CCDC60: variants seen among roughly 807,000 people sequenced by gnomAD.
CCDC60 encodes the protein coiled-coil domain-containing protein 60.
Under a neutral mutation model 63.5 loss-of-function variants are expected in CCDC60, and 54 were observed. The ratio of observed to expected loss-of-function variants is 0.85; its 90% CI spans 0.68 to 1.07. CCDC60 has a LOEUF of 1.07. Among genes scored for constraint, CCDC60 ranks in the 50% least tolerant of loss-of-function variants. The pLI is 0.00. For missense variants in CCDC60, 651 were observed against 684.3 expected, an observed-to-expected ratio of 0.95 and a Z score of 0.54; for synonymous variants, 206 against 238.8, an observed-to-expected ratio of 0.86 and a Z score of 1.27.
At chr12:119,400,323 A>G (rs1433166765) in intron 1 of CCDC60, among the ~76,000 whole-genome samples, 4 of 152,236 alleles carry the variant, frequency 2.6e-5, no homozygotes, top group Non-Finnish European at 5.9e-5. Context: ...TGCCGGGATT[A>G]CAGGCGTGAG....
chr12:119,415,680 G>C (rs1379067473), intron 1 of CCDC60, among the ~76,000 whole-genome samples: 1 of 152,216 alleles, frequency 6.6e-6, no homozygotes, highest in Non-Finnish European at 1.5e-5. Context: ...GGAGGGAAAA[G>C]ACTGGAGAGC....
chr12:119,428,684 T>G lies in CCDC60; in HGVS notation c.92T>G (p.Val31Gly), dbSNP rs774985338. 6.3e-7 allele frequency: 1 copy of G among 1,591,562 alleles called. No homozygotes were observed. Among genetic ancestry groups the G allele is most frequent in the Non-Finnish European group, 8.6e-7 (1 of 1,164,864 alleles). Residue 31 changes from valine (V) to glycine (G), a missense_variant and splice_region_variant, in exon 2 of 14, where the codon GTC becomes GGC. Val to Gly is a moderately radical substitution (Grantham distance 109, BLOSUM62 -3). Transcript: ENST00000327554. Reference protein sequence around the residue: ...PFYASENLRQVPDKPMKSIKY... With the variant: ...PFYASENLRQGPDKPMKSIKY... ...TTTAACCCCTTGTCTTCTCATCAGGTCCCAGACAAGCCAATGAAGAGCATC... is the reference window on the plus strand; with the variant it reads ...TTTAACCCCTTGTCTTCTCATCAGGGCCCAGACAAGCCAATGAAGAGCATC...
chr12:119,531,123 A>C, intron 13 of CCDC60, 60 bp downstream of exon 13: 85 of 1,439,874 alleles, frequency 5.9e-5, no homozygotes, highest in Non-Finnish European at 7.3e-5. Context: ...ATCACCTCTC[A>C]ACATTCAGGC....
chr12:119,528,546 A>G, intron 11 of CCDC60, 69 bp from the exon 12 acceptor site: 7 of 1,517,196 alleles, frequency 4.6e-6, no homozygotes, highest in Non-Finnish European at 5.4e-6. Context: ...CAGATCTCAA[A>G]GGGCAGCTAA....
chr12:119,517,415 G>A lies in CCDC60; in HGVS notation c.968+708G>A, dbSNP rs74324941. Among the ~76,000 whole-genome samples, 277 of 152,286 alleles carry A rather than the reference G, an allele frequency of 1.8e-3. 1 individual carries two copies. The Middle Eastern group carries it at 0.024, about 13-fold the overall frequency. On this transcript the variant is annotated intron_variant, in intron 8 of 13. Transcript: ENST00000327554. ...ATATTTATGAACATGTATGGGCTGT[G>A]TACTCATTATTATTGTGAGAAGTGT...
Position 119,505,241 on chromosome 12 carries a change from G to A in CCDC60, c.821G>A (p.Ser274Asn), listed in dbSNP as rs1951965238. Residue 274 changes from serine to asparagine, a missense_variant, in exon 7 of 14, where the codon AGC becomes AAC. Coordinates refer to ENST00000327554, the MANE Select transcript of CCDC60 (RefSeq NM_178499.5). ...AGTGTGAACACCCAGGTGACCAGCA[G>A]CAAGGACATTGAGGACAATGAGTCA... Reference protein sequence around the residue: ...PPSVNTQVTSSKDIEDNESSS... With the variant: ...PPSVNTQVTSNKDIEDNESSS... The A allele has an allele frequency of 1.2e-6, 2 of 1,613,644 alleles. No individual in the cohort carries two copies. The highest frequency in any genetic ancestry group is 1.7e-6 in the Non-Finnish European group (2 of 1,180,034).
At chr12:119,462,594 A>G (rs777279982) in intron 2 of CCDC60, among the ~76,000 whole-genome samples, 4 of 152,176 alleles carry the variant, frequency 2.6e-5, no homozygotes, top group South Asian at 2.1e-4. Flanking sequence ...AATTACTACA[A>G]AAAGGTAAAT....
At chr12:119,428,886 CT>C in intron 2 of CCDC60, 124 bp downstream of exon 2, 1 of 625,636 alleles carries the variant, frequency 1.6e-6, no homozygotes, top group Non-Finnish European at 2.8e-6. Context: ...AAGCAGAAGA[CT>C]TACAGGAGGG....
intron 12 of CCDC60, among the ~76,000 whole-genome samples, chr12:119,529,248 T>C (rs1952772019): frequency 6.6e-6 from 1 of 152,176 alleles, no homozygotes; most frequent in Admixed American, 6.5e-5. Flanking sequence ...TGGCAGTCAC[T>C]ACATAAGCAA....
chr12:119,413,969 C>A (rs898080433), intron 1 of CCDC60, among the ~76,000 whole-genome samples: 1 of 151,946 alleles, frequency 6.6e-6, no homozygotes, highest in African/African-American at 2.4e-5. Flanking sequence ...TCAGTTCCCC[C>A]TCCCTCACCT....
intron 9 of CCDC60, among the ~76,000 whole-genome samples, chr12:119,522,122 C>T (rs925314965): frequency 6.6e-6 from 1 of 152,170 alleles, no homozygotes; most frequent in African/African-American, 2.4e-5. Flanking sequence ...ACGGTCTTAC[C>T]ACTCCCTCCC....
At chr12:119,423,248 C>A (rs1226621753) in intron 1 of CCDC60, among the ~76,000 whole-genome samples, 1 of 152,118 alleles carries the variant, frequency 6.6e-6, no homozygotes, top group Non-Finnish European at 1.5e-5. Context: ...ACTCTGGGAA[C>A]CTCAGGCATA....
intron 1 of CCDC60, among the ~76,000 whole-genome samples, chr12:119,337,822 ATTTG>A (rs778236883): frequency 8.8e-5 from 9 of 101,736 alleles, no homozygotes; most frequent in South Asian, 3.4e-4. Flanking sequence ...GTGTGTGTGT[ATTTG>A]TGTGTGTGTG....
chr12:119,407,926 A>C (rs1956523729), intron 1 of CCDC60, among the ~76,000 whole-genome samples: 1 of 152,198 alleles, frequency 6.6e-6, no homozygotes, highest in South Asian at 2.1e-4. Context: ...CTTGTTTACA[A>C]CCAAGTCATG....
At chr12:119,461,172 G>A (rs1428555144) in intron 2 of CCDC60, among the ~76,000 whole-genome samples, 2 of 152,072 alleles carry the variant, frequency 1.3e-5, no homozygotes, top group South Asian at 2.1e-4. Context: ...GCAAGCTGAC[G>A]ATAACAACCG....
intron 2 of CCDC60, among the ~76,000 whole-genome samples, chr12:119,459,747 G>A (rs1186099582): frequency 6.6e-6 from 1 of 152,166 alleles, no homozygotes; most frequent in African/African-American, 2.4e-5. Flanking sequence ...CTCAGTGCAA[G>A]AAGATAAGCT....
chr12:119,511,644 G>A (rs1004356382), intron 7 of CCDC60, among the ~76,000 whole-genome samples: 1 of 152,180 alleles, frequency 6.6e-6, no homozygotes, highest in African/African-American at 2.4e-5. Flanking sequence ...AGACAGGCTG[G>A]GCATGGAAGA....
chr12:119,417,125 A>T (rs1956715411), intron 1 of CCDC60, among the ~76,000 whole-genome samples: 1 of 152,128 alleles, frequency 6.6e-6, no homozygotes, highest in African/African-American at 2.4e-5. Context: ...TGTCTAAAAA[A>T]AAGAAAAAAA....
At chr12:119,515,566 C>A (rs557548196) in intron 7 of CCDC60, among the ~76,000 whole-genome samples, 2 of 152,152 alleles carry the variant, frequency 1.3e-5, no homozygotes, top group South Asian at 4.1e-4. Flanking sequence ...TGAACTCAAG[C>A]AATCCTCCCA....
Sources: allele counts gnomAD v4.1 joint callset (sites outside exome capture counted in the v4.1 genomes callset), GRCh38; gene constraint gnomAD v4.1.1; transcripts MANE v1.5; gene names NCBI Gene and HGNC (gene_info 2026-07-23, HGNC 2026-07-21).